PEBP4: variants seen among roughly 807,000 people sequenced by gnomAD.
PEBP4 encodes phosphatidylethanolamine-binding protein 4.
A neutral mutation model predicts 23.9 loss-of-function variants in PEBP4; 22 were observed. The observed-to-expected ratio is 0.92, with a 90% CI of 0.66 to 1.31. PEBP4 has a LOEUF of 1.31. PEBP4 is among the 40% of genes most tolerant of loss of function. The pLI is 0.00. For synonymous variants in PEBP4, 112 were observed against 99.3 expected (o/e 1.13, Z -0.76); for missense variants, 324 against 281.7 (o/e 1.15, Z -1.07).
intron 6 of PEBP4, among the ~76,000 whole-genome samples, chr8:22,723,029 C>T (rs1211746610): frequency 6.6e-6 from 1 of 151,682 alleles, no homozygotes; most frequent in Non-Finnish European, 1.5e-5. Context: ...GATCCGCCCA[C>T]CTCAGTCTCC....
intron 6 of PEBP4, among the ~76,000 whole-genome samples, chr8:22,718,951 G>A (rs1055929055): frequency 5.9e-5 from 9 of 151,822 alleles, no homozygotes; most frequent in Admixed American, 2.6e-4. Flanking sequence ...TTGAAGCTGC[G>A]TGGGGCTCTG....
intron 4 of PEBP4, among the ~76,000 whole-genome samples, chr8:22,785,049 G>T (rs1195966491): frequency 1.3e-5 from 2 of 152,192 alleles, no homozygotes; most frequent in South Asian, 4.1e-4. Flanking sequence ...TCAGATCCCA[G>T]TGTGTCTAGA....
At chr8:22,815,639 G>A (rs183527705) in intron 4 of PEBP4, among the ~76,000 whole-genome samples, 7 of 152,334 alleles carry the variant, frequency 4.6e-5, no homozygotes, top group Admixed American at 1.3e-4. Flanking sequence ...GGAAACCCGC[G>A]CCTCCTCCGG....
intron 4 of PEBP4, among the ~76,000 whole-genome samples, chr8:22,811,781 T>C (rs1333675205): frequency 6.6e-6 from 1 of 152,190 alleles, no homozygotes; most frequent in East Asian, 1.9e-4. Context: ...TCACGTTAGG[T>C]CCTCCAGGCT....
chr8:22,915,294 C>T (rs1434886380), intron 3 of PEBP4, among the ~76,000 whole-genome samples: 1 of 152,160 alleles, frequency 6.6e-6, no homozygotes, highest in Non-Finnish European at 1.5e-5. Context: ...CCTCCCCCAG[C>T]CACCAGCCAA....
intron 1 of PEBP4, among the ~76,000 whole-genome samples, chr8:22,933,176 C>T (rs150671630): frequency 6.6e-6 from 1 of 152,122 alleles, no homozygotes; most frequent in African/African-American, 2.4e-5. Flanking sequence ...CTGGGGTCCA[C>T]TTGCAGGAGT....
rs754251581 is a variant in PEBP4, at chr8:22,724,940, G to A, written c.420C>T (p.Ser140=). The change falls in exon 6 of 7, where the codon TCC becomes TCT. Residue 140 remains serine (S), a synonymous_variant. Coordinates refer to ENST00000256404, the MANE Select transcript of PEBP4 (RefSeq NM_144962.3). The part of the protein sequence containing the change: ...GQELSAYQAP[S]PPAHSGFHRY... ...GATGGAAGCCACTGTGTGCCGGTGG[G>A]GAGGGAGCCTGGTAGGCTATAGGTA... 6.2e-7 allele frequency: 1 copy of A among 1,613,932 alleles called. No individual in the cohort carries two copies.
chr8:22,881,390 G>T (rs1046827288), intron 3 of PEBP4, among the ~76,000 whole-genome samples: 1 of 152,202 alleles, frequency 6.6e-6, no homozygotes, highest in Admixed American at 6.5e-5. Context: ...ACAGGCCAGA[G>T]CCCCTCAGAC....
intron 3 of PEBP4, among the ~76,000 whole-genome samples, chr8:22,838,521 A>T (rs943676573): frequency 6.0e-4 from 92 of 152,340 alleles, no homozygotes; most frequent in African/African-American, 2.2e-3. Context: ...ACTGCCTTCT[A>T]GAAAGTCAAG....
At chr8:22,933,682 C>T (rs1159581016) in intron 1 of PEBP4, among the ~76,000 whole-genome samples, 1 of 152,194 alleles carries the variant, frequency 6.6e-6, no homozygotes, top group Non-Finnish European at 1.5e-5. Flanking sequence ...AGTAGATCTT[C>T]AGGTTGAAAT....
chr8:22,882,923 C>T lies in PEBP4; in HGVS notation c.258+37261G>A, dbSNP rs182422816. ...CAACCCAACCCTGCTCACCCTACCC[C>T]ACCTGTTCCTCCCACGATGAAGACT... is the stretch of plus-strand genomic sequence containing the variant. On this transcript the variant is annotated intron_variant, in intron 3 of 6. Transcript: ENST00000256404. Among the ~76,000 whole-genome samples, 4 of 152,332 alleles carry T rather than the reference C, an allele frequency of 2.6e-5. No individual in the cohort carries two copies. In the East Asian group the frequency reaches 7.7e-4, roughly 29 times the overall value.
chr8:22,715,722 A>G (rs890061641), intron 6 of PEBP4, among the ~76,000 whole-genome samples: 2 of 152,142 alleles, frequency 1.3e-5, no homozygotes, highest in Non-Finnish European at 2.9e-5. Context: ...CTCCCTGGCC[A>G]GCTCCTGAAA....
At chr8:22,877,655 C>G (rs1167121727) in intron 3 of PEBP4, among the ~76,000 whole-genome samples, 3 of 16,264 alleles carry the variant, frequency 1.8e-4, no homozygotes, top group Non-Finnish European at 1.4e-3. Flanking sequence ...AGGGGCCCAC[C>G]ACCCCACCTC....
rs530546374 is a variant in PEBP4 at position 22,869,285 on chromosome 8, C to T, written c.258+50899G>A. Among the ~76,000 whole-genome samples the T allele has an allele frequency of 4.6e-5, 7 of 152,308 alleles. No individual in the cohort carries two copies. In the South Asian group the frequency reaches 6.2e-4, roughly 14 times the overall value. ...TCTTACACTGGACTGGGTTCCAGAT[C>T]GCTGTATGGTATACTTGTGTATGTT... On this transcript the variant is annotated intron_variant, in intron 3 of 6. Coordinates refer to ENST00000256404, the MANE Select transcript of PEBP4 (RefSeq NM_144962.3).
intron 1 of PEBP4, 33 bp downstream of exon 1, chr8:22,927,790 C>T (rs751355034): frequency 6.6e-5 from 105 of 1,582,764 alleles, no homozygotes; most frequent in Non-Finnish European, 8.6e-5. Context: ...CCTGTGCCCC[C>T]GACCCCAGGG....
At chr8:22,920,018 AG>A (rs1368123816) in intron 3 of PEBP4, among the ~76,000 whole-genome samples, 165 bp downstream of exon 3, 1 of 152,114 alleles carries the variant, frequency 6.6e-6, no homozygotes, top group Non-Finnish European at 1.5e-5. Flanking sequence ...CTTCTCCTCA[AG>A]TCCACTCTAA....
At chr8:22,800,712 G>C (rs1184431964) in intron 4 of PEBP4, among the ~76,000 whole-genome samples, 1 of 152,152 alleles carries the variant, frequency 6.6e-6, no homozygotes, top group Non-Finnish European at 1.5e-5. Flanking sequence ...TGGGATTACA[G>C]CAGGACTGGG....
intron 1 of PEBP4, among the ~76,000 whole-genome samples, chr8:22,938,057 C>T (rs1809564174): frequency 6.6e-6 from 1 of 151,992 alleles, no homozygotes; most frequent in Non-Finnish European, 1.5e-5. Flanking sequence ...AAAGCGGAGG[C>T]AGCAAAAGTA....
chr8:22,892,402 ACTCCATACTTAC>A (rs892726732), intron 3 of PEBP4, among the ~76,000 whole-genome samples: 4 of 151,968 alleles, frequency 2.6e-5, no homozygotes. Flanking sequence ...CAAAACAAAA[ACTCCATACTTAC>A]CTCTGGTAGG....
Sources: gnomAD v4.1 joint callset for allele counts (sites outside exome capture counted in the v4.1 genomes callset) on GRCh38, gnomAD v4.1.1 for gene constraint, MANE v1.5 for transcripts, NCBI Gene and HGNC (gene_info 2026-07-23, HGNC 2026-07-21) for gene names.